The following RBMS3 variants were observed in gnomAD, a reference collection of about 807,000 sequenced individuals.
RBMS3 encodes RNA binding motif single stranded interacting protein 3.
Under a neutral mutation model 66.8 loss-of-function variants are expected in RBMS3, and 27 were observed. That is an observed-to-expected ratio of 0.40 (90% CI 0.30 to 0.56). The LOEUF is 0.56. Ranked by LOEUF, RBMS3 falls within the 20% of genes least tolerant of loss-of-function variation. RBMS3 has a pLI of 0.40. For synonymous variants in RBMS3, 188 were observed against 183.0 expected (o/e 1.03, Z -0.22); for missense variants, 513 against 549.5 (o/e 0.93, Z 0.66).
chr3:29,436,378 G>C (rs1183925714), intron 2 of RBMS3, among the ~76,000 whole-genome samples: 1 of 152,086 alleles, frequency 6.6e-6, no homozygotes, highest in African/African-American at 2.4e-5. Flanking sequence ...TGAGTGCCTT[G>C]ATTTGTGAAA....
chr3:29,908,021 G>A (rs1171298017), intron 10 of RBMS3, among the ~76,000 whole-genome samples: 2 of 152,072 alleles, frequency 1.3e-5, no homozygotes, highest in African/African-American at 4.8e-5. Context: ...GCCAAGGCAG[G>A]CAGATTGCTT....
intron 1 of RBMS3, among the ~76,000 whole-genome samples, chr3:29,394,808 T>A (rs2039472007): frequency 6.6e-6 from 1 of 152,170 alleles, no homozygotes; most frequent in Non-Finnish European, 1.5e-5. Context: ...CTCCTGTTAC[T>A]TTTCTGGTTC....
At chr3:29,360,706 A>T (rs1386752907) in intron 1 of RBMS3, among the ~76,000 whole-genome samples, 1 of 151,924 alleles carries the variant, frequency 6.6e-6, no homozygotes. Flanking sequence ...GTCTCTAAGG[A>T]CTTGCTTTAT....
chr3:29,932,673 T>C (rs2061159800), intron 10 of RBMS3, among the ~76,000 whole-genome samples: 1 of 152,200 alleles, frequency 6.6e-6, no homozygotes, highest in South Asian at 2.1e-4. Flanking sequence ...ACACATGCTT[T>C]TCCCTGATTT....
At chr3:29,542,597 G>T (rs1398399212) in intron 3 of RBMS3, among the ~76,000 whole-genome samples, 1 of 152,120 alleles carries the variant, frequency 6.6e-6, no homozygotes. Context: ...CTGACCTCAG[G>T]TGATCTGCCT....
chr3:29,816,134 C>A (rs928787788), intron 6 of RBMS3, among the ~76,000 whole-genome samples: 4 of 152,000 alleles, frequency 2.6e-5, no homozygotes, highest in African/African-American at 9.7e-5. Flanking sequence ...AAATTCAGAC[C>A]TTTCTGACAT....
At chr3:29,642,808 G>A (rs1440506) in intron 4 of RBMS3, 6,715 of 152,160 alleles carry the variant, frequency 0.044, 427 homozygotes, top group East Asian at 0.32. Flanking sequence ...CTCAGAGAAG[G>A]TGCTCTACAT....
Position 29,729,263 on chromosome 3 carries a change from T to G in RBMS3, c.400-10457T>G, listed in dbSNP as rs1479489727. 2.0e-5 allele frequency among the ~76,000 whole-genome samples: 3 copies of G among 151,878 alleles called. 1 individual carries two copies. Among genetic ancestry groups the G allele is most frequent in the African/African-American group, 7.3e-5 (3 of 41,326 alleles). On this transcript the variant is annotated intron_variant, in intron 4 of 14. Transcript: ENST00000383767. ...GGTGTTTGGTTTTCTGTTCCTGTGT[T>G]AGTTTGCTGAAAATGGTTTCCAGCT...
intron 3 of RBMS3, among the ~76,000 whole-genome samples, chr3:29,583,447 A>C (rs2047401480): frequency 6.6e-6 from 1 of 152,160 alleles, no homozygotes. Context: ...TCCCCATCAT[A>C]ATTCCATGAA....
At chr3:29,788,123 T>C (rs1433165632) in intron 6 of RBMS3, among the ~76,000 whole-genome samples, 1 of 152,018 alleles carries the variant, frequency 6.6e-6, no homozygotes. Flanking sequence ...TGTTTATATT[T>C]TCACTCCAAC....
intron 6 of RBMS3, among the ~76,000 whole-genome samples, chr3:29,828,961 C>A (rs532473670): frequency 6.6e-6 from 1 of 151,482 alleles, no homozygotes; most frequent in East Asian, 2.0e-4. Flanking sequence ...GGCATCCAGC[C>A]TGCTGTTAGC....
intron 2 of RBMS3, among the ~76,000 whole-genome samples, chr3:29,471,259 A>G (rs1253376214): frequency 6.6e-6 from 1 of 152,190 alleles, no homozygotes. Context: ...ATATTGGCAA[A>G]AATAATCAAC....
intron 7 of RBMS3, among the ~76,000 whole-genome samples, chr3:29,882,701 T>A (rs2059764927): frequency 6.6e-6 from 1 of 152,074 alleles, no homozygotes; most frequent in Non-Finnish European, 1.5e-5. Flanking sequence ...GTTAGAAGAT[T>A]GAGAATTTTC....
At chr3:29,627,780 A>AGAAGAGAGGGAGAGAAGGAG (rs2049125871) in intron 4 of RBMS3, among the ~76,000 whole-genome samples, 1 of 152,154 alleles carries the variant, frequency 6.6e-6, no homozygotes, top group Non-Finnish European at 1.5e-5. Context: ...ATTTGTGAAA[A>AGAAGAGAGGGAGAGAAGGAG]GAAGAGAGGG....
chr3:29,527,181 TAAAAAA>T (rs538907247), intron 3 of RBMS3, among the ~76,000 whole-genome samples: 34,897 of 87,340 alleles, frequency 0.4, 6,075 homozygotes, highest in Non-Finnish European at 0.44. Context: ...TTAGGTAGAG[TAAAAAA>T]AAAAAAAAAA....
intron 6 of RBMS3, among the ~76,000 whole-genome samples, chr3:29,858,354 T>C (rs1483740671): frequency 1.3e-5 from 2 of 152,156 alleles, no homozygotes; most frequent in Non-Finnish European, 2.9e-5. Context: ...CAAAGAGCTG[T>C]CTCAGAGGAA....
chr3:29,493,115 C>A (rs1420325679), intron 3 of RBMS3, among the ~76,000 whole-genome samples: 2 of 152,100 alleles, frequency 1.3e-5, no homozygotes, highest in Non-Finnish European at 2.9e-5. Flanking sequence ...TAGGAAGCAT[C>A]CAAATTCTAG....
At chr3:29,740,534 C>G (rs1490390860) in intron 5 of RBMS3, among the ~76,000 whole-genome samples, 1 of 152,080 alleles carries the variant, frequency 6.6e-6, no homozygotes, top group Non-Finnish European at 1.5e-5. Context: ...AGGATTTCAG[C>G]CAGGAATGGA....
intron 4 of RBMS3, among the ~76,000 whole-genome samples, chr3:29,685,970 C>A (rs2051714740): frequency 6.6e-6 from 1 of 152,178 alleles, no homozygotes; most frequent in South Asian, 2.1e-4. Context: ...CCAAAGTGGG[C>A]CCAAATTAAA....
Sources: allele counts gnomAD v4.1 joint callset (sites outside exome capture counted in the v4.1 genomes callset), GRCh38; gene constraint gnomAD v4.1.1; transcripts MANE v1.5; gene names NCBI Gene and HGNC (gene_info 2026-07-23, HGNC 2026-07-21).